P4HA1: variants seen among roughly 807,000 people sequenced by gnomAD.
The protein encoded by P4HA1 is prolyl 4-hydroxylase subunit alpha 1.
P4HA1 carries 24 observed loss-of-function variants against 72.8 expected under a neutral mutation model. The ratio of observed to expected loss-of-function variants is 0.33; its 90% CI spans 0.24 to 0.46. The LOEUF is 0.46. P4HA1 is among the 20% of genes least tolerant of loss of function. The pLI is 1.00. For missense variants in P4HA1, 446 were observed against 640.6 expected (o/e 0.70, Z 3.28); for synonymous variants, 201 against 218.8 (o/e 0.92, Z 0.72).
intron 1 of P4HA1, among the ~76,000 whole-genome samples, chr10:73,087,560 C>T (rs1841949008): frequency 6.6e-6 from 1 of 152,166 alleles, no homozygotes; most frequent in South Asian, 2.1e-4. Context: ...CCCACCATGC[C>T]TGGCCTATGT....
rs180689083 is a variant in P4HA1, at chr10:73,035,914, C to T, written c.1149-5544G>A. Among the ~76,000 whole-genome samples, 32 of 152,160 alleles carry T rather than the reference C, an allele frequency of 2.1e-4. 1 individual carries two copies. Among genetic ancestry groups the T allele is most frequent in the African/African-American group, 6.0e-4 (25 of 41,530 alleles). On this transcript the variant is annotated intron_variant, in intron 9 of 14. Coordinates refer to ENST00000394890, the MANE Select transcript of P4HA1 (RefSeq NM_001017962.3). ...TATATCATAACATATCTCGGCCAGG[C>T]GCAGTGGCTCACGCCTGTAATCCCA... is the stretch of plus-strand genomic sequence containing the variant.
chr10:73,072,244 A>C (rs1423623221), intron 3 of P4HA1, 64 bp from the exon 4 acceptor site: 6 of 1,341,580 alleles, frequency 4.5e-6, no homozygotes, highest in Non-Finnish European at 6.2e-6. Flanking sequence ...AATTTAATGA[A>C]ACGCTCAGAA....
chr10:73,023,330 G>C (rs1473844626), intron 10 of P4HA1, among the ~76,000 whole-genome samples: 1 of 152,080 alleles, frequency 6.6e-6, no homozygotes, highest in East Asian at 1.9e-4. Context: ...GAAGAGAGTG[G>C]GGGCCAATAT....
intron 10 of P4HA1, among the ~76,000 whole-genome samples, chr10:73,028,839 G>A (rs1589585319): frequency 6.6e-6 from 1 of 151,820 alleles, no homozygotes; most frequent in Admixed American, 6.5e-5. Context: ...GAGGCCAGGA[G>A]TTCAAGACCA....
chr10:73,022,194 G>A (rs1840152014), intron 10 of P4HA1, among the ~76,000 whole-genome samples: 1 of 152,146 alleles, frequency 6.6e-6, no homozygotes, highest in African/African-American at 2.4e-5. Flanking sequence ...TCCTCAAGAG[G>A]GTCCCTGACC....
intron 5 of P4HA1, among the ~76,000 whole-genome samples, chr10:73,063,483 GC>G (rs1289255552): frequency 5.3e-5 from 8 of 152,204 alleles, no homozygotes; most frequent in African/African-American, 1.7e-4. Context: ...AACAGCAGAT[GC>G]TAAGAAACTA....
intron 10 of P4HA1, among the ~76,000 whole-genome samples, chr10:73,026,936 A>T (rs1840286444): frequency 6.6e-6 from 1 of 152,244 alleles, no homozygotes; most frequent in South Asian, 2.1e-4. Context: ...ATCATTAAAA[A>T]GTGAGGAAAC....
At chr10:73,086,257 A>T (rs1841921415) in intron 1 of P4HA1, among the ~76,000 whole-genome samples, 1 of 152,256 alleles carries the variant, frequency 6.6e-6, no homozygotes, top group Admixed American at 6.5e-5. Flanking sequence ...ATTATTCATA[A>T]TAGCCAAAAG....
chr10:73,027,858 G>A (rs1247850503), intron 10 of P4HA1, among the ~76,000 whole-genome samples: 1 of 127,114 alleles, frequency 7.9e-6, no homozygotes, highest in African/African-American at 3.1e-5. Context: ...GAGAGGAGGG[G>A]AGGGAGGGAG....
intron 10 of P4HA1, among the ~76,000 whole-genome samples, chr10:73,021,584 T>C (rs1317401816): frequency 1.3e-5 from 2 of 152,182 alleles, no homozygotes; most frequent in East Asian, 1.9e-4. Flanking sequence ...CTCACTCACA[T>C]GTGGGATTTC....
At chr10:73,061,106 C>A (rs971861235) in intron 5 of P4HA1, among the ~76,000 whole-genome samples, 1 of 152,066 alleles carries the variant, frequency 6.6e-6, no homozygotes, top group African/African-American at 2.4e-5. Context: ...CTGCCAAAAC[C>A]AGTAGATAAA....
At chr10:73,077,710 G>A (rs1339422962) in intron 1 of P4HA1, among the ~76,000 whole-genome samples, 4 of 151,948 alleles carry the variant, frequency 2.6e-5, no homozygotes, top group African/African-American at 9.7e-5. Context: ...CCTGGGCACA[G>A]TGGTTCACAC....
intron 4 of P4HA1, 22 bp from the exon 5 acceptor site, chr10:73,069,005 A>G (rs781536080): frequency 9.6e-6 from 15 of 1,558,638 alleles, no homozygotes; most frequent in African/African-American, 1.4e-5. Flanking sequence ...TAAATCAAAG[A>G]AAAAAAAACT....
At chr10:73,027,473 A>C (rs1298409089) in intron 10 of P4HA1, among the ~76,000 whole-genome samples, 1 of 151,494 alleles carries the variant, frequency 6.6e-6, no homozygotes, top group Non-Finnish European at 1.5e-5. Context: ...GGGGAGGAAT[A>C]GCATTAGGAG....
At chr10:73,064,237 G>C (rs1021254396) in intron 5 of P4HA1, among the ~76,000 whole-genome samples, 1 of 152,116 alleles carries the variant, frequency 6.6e-6, no homozygotes, top group Non-Finnish European at 1.5e-5. Context: ...GAGGCTGCGG[G>C]GTGCGGGGGG....
At chr10:73,039,853 C>A (rs1028306708) in intron 9 of P4HA1, among the ~76,000 whole-genome samples, 2 of 139,100 alleles carry the variant, frequency 1.4e-5, no homozygotes, top group African/African-American at 2.9e-5. Context: ...ACTGAGATGG[C>A]CTTTTTTTTT....
At chr10:73,039,045 T>C (rs1840670862) in intron 9 of P4HA1, among the ~76,000 whole-genome samples, 1 of 152,180 alleles carries the variant, frequency 6.6e-6, no homozygotes, top group Non-Finnish European at 1.5e-5. Flanking sequence ...GTAATACCAA[T>C]ACTCTGGGAG....
chr10:73,044,237 T>C (rs1200804344), intron 9 of P4HA1, among the ~76,000 whole-genome samples: 20 of 152,214 alleles, frequency 1.3e-4, no homozygotes, highest in Admixed American at 1.3e-3. Context: ...AAATGATTTA[T>C]AGCACTGGGT....
At chr10:73,075,184 G>A (rs934550028) in intron 1 of P4HA1, among the ~76,000 whole-genome samples, 10 of 151,890 alleles carry the variant, frequency 6.6e-5, no homozygotes, top group Admixed American at 5.3e-4. Flanking sequence ...CTTGGCTCAC[G>A]GCAACCTCCA....
Sources: allele counts gnomAD v4.1 joint callset (sites outside exome capture counted in the v4.1 genomes callset), GRCh38; gene constraint gnomAD v4.1.1; transcripts MANE v1.5; gene names NCBI Gene and HGNC (gene_info 2026-07-23, HGNC 2026-07-21).